Variants in LIMCH1 observed in about 807,000 individuals in gnomAD.
LIMCH1 encodes the protein LIM and calponin homology domains-containing protein 1.
Under a neutral mutation model 176.5 loss-of-function variants are expected in LIMCH1, and 113 were observed. The observed-to-expected ratio is 0.64, with a 90% CI of 0.55 to 0.75. The LOEUF (loss-of-function observed/expected upper bound fraction) is 0.75. LIMCH1 is among the 30% of genes least tolerant of loss of function. The pLI is 0.00. For synonymous variants in LIMCH1, 619 were observed against 645.9 expected, an observed-to-expected ratio of 0.96 and a Z score of 0.63; for missense variants, 1,674 against 1,814.9, an observed-to-expected ratio of 0.92 and a Z score of 1.41.
intron 1 of LIMCH1, among the ~76,000 whole-genome samples, chr4:41,364,510 A>G (rs2052669732): frequency 6.6e-6 from 1 of 152,160 alleles, no homozygotes; most frequent in Admixed American, 6.5e-5. Flanking sequence ...TTAACTCTGG[A>G]TACCTGGAGT....
intron 1 of LIMCH1, among the ~76,000 whole-genome samples, chr4:41,396,197 G>A (rs2057784749): frequency 6.6e-6 from 1 of 152,150 alleles, no homozygotes; most frequent in African/African-American, 2.4e-5. Context: ...ATCCTAATAC[G>A]ATTGTTGATA....
intron 21 of LIMCH1, among the ~76,000 whole-genome samples, chr4:41,666,897 C>A (rs2094846642): frequency 6.6e-6 from 1 of 152,092 alleles, no homozygotes. Context: ...GTCAGCCAGG[C>A]ACTATAGGCA....
chr4:41,373,679 G>A (rs1253943334), intron 1 of LIMCH1, among the ~76,000 whole-genome samples: 3 of 152,204 alleles, frequency 2.0e-5, no homozygotes, highest in Admixed American at 2.0e-4. Context: ...ACGGTCATTA[G>A]GTGGTAGAGC....
rs2086652532 is a variant in LIMCH1, at chr4:41,587,250, GC to G, written c.-240-11667del. Reference sequence around the variant, plus strand: ...GCAGCCAGTATTGATAGTTTTGTCTGCCCTAGGGAGTCTCATTTTCCTTCTT... The same window carrying G: ...GCAGCCAGTATTGATAGTTTTGTCTGCCTAGGGAGTCTCATTTTCCTTCTT... On this transcript the variant is annotated intron_variant, in intron 1 of 31. Transcript: ENST00000503057. Among the ~76,000 whole-genome samples the G allele has an allele frequency of 3.3e-5, 5 of 152,278 alleles. No homozygotes were observed. The South Asian group carries it at 1.0e-3, about 32-fold the overall frequency.
chr4:41,663,057 T>C (rs2094684370), intron 20 of LIMCH1, 73 bp downstream of exon 20: 7 of 1,339,504 alleles, frequency 5.2e-6, no homozygotes, highest in Non-Finnish European at 7.3e-6. Context: ...TAGCTGCTGC[T>C]GTGGCAGTTG....
intron 1 of LIMCH1, among the ~76,000 whole-genome samples, chr4:41,469,665 G>GATTGATTTATTTATTTATTTATTTATTT (rs1554061021): frequency 6.7e-6 from 1 of 148,248 alleles, no homozygotes; most frequent in South Asian, 2.2e-4. Context: ...CTTGTTTTGA[G>GATTGATTTATTTATTTATTTATTTATTT]ATTTATTTAT....
intron 1 of LIMCH1, among the ~76,000 whole-genome samples, chr4:41,474,226 C>T (rs141318946): frequency 1.6e-3 from 238 of 151,432 alleles, no homozygotes; most frequent in Non-Finnish European, 1.9e-3. Flanking sequence ...CGGTGGCTCA[C>T]GCCTGTAATC....
At chr4:41,665,465 A>C (rs2094790185) in intron 20 of LIMCH1, among the ~76,000 whole-genome samples, 1 of 152,210 alleles carries the variant, frequency 6.6e-6, no homozygotes, top group Admixed American at 6.5e-5. Flanking sequence ...GTTTTCTTTA[A>C]GATTCTCTTA....
At position 41,650,358 on chromosome 4, in the gene LIMCH1, T is replaced by C. The variant is rs370360948; in HGVS notation, c.2821-35T>C. ...TGTTACAGTCTTTGATTGGGGTATA[T>C]ATAGCATGTTTTTTGTTCATTCTGG... On this transcript the variant is annotated intron_variant, in intron 17 of 31. Transcript: ENST00000503057. 19 of 1,472,234 alleles carry C rather than the reference T, an allele frequency of 1.3e-5. No individual in the cohort carries two copies. The African/African-American group carries it at 2.6e-4, about 21-fold the overall frequency. 91.2% of individuals were successfully genotyped at this position (1,472,234 alleles called of 1,614,324 possible).
At chr4:41,532,269 G>C (rs7674372) in intron 3 of LIMCH1, among the ~76,000 whole-genome samples, 2 of 152,200 alleles carry the variant, frequency 1.3e-5, no homozygotes, top group African/African-American at 4.8e-5. Flanking sequence ...CTGCCTCCCA[G>C]GTTGATATGG....
At chr4:41,537,387 A>G (rs2078068170), upstream of LIMCH1, among the ~76,000 whole-genome samples, 1 of 152,246 alleles carries the variant, frequency 6.6e-6, no homozygotes, top group African/African-American at 2.4e-5. Flanking sequence ...ATAAAAAGCA[A>G]CAGGTGGAAA....
At chr4:41,682,692 T>C (rs577207190) in intron 26 of LIMCH1, among the ~76,000 whole-genome samples, 1 of 150,306 alleles carries the variant, frequency 6.7e-6, no homozygotes, top group Admixed American at 6.6e-5. Flanking sequence ...TTTTTTTTTT[T>C]GCTTGAGACG....
intron 1 of LIMCH1, among the ~76,000 whole-genome samples, chr4:41,407,622 G>A (rs147798063): frequency 7.2e-5 from 11 of 152,218 alleles, no homozygotes; most frequent in East Asian, 3.9e-4. Context: ...TGGCCAATCC[G>A]TGCCCTCTGC....
upstream of LIMCH1, among the ~76,000 whole-genome samples, chr4:41,535,514 A>G (rs555749489): frequency 5.1e-4 from 78 of 151,900 alleles, no homozygotes; most frequent in African/African-American, 1.8e-3. Context: ...CTGTGTCCAT[A>G]TTTTGCCTTT....
chr4:41,383,788 T>C (rs10005519), intron 1 of LIMCH1, among the ~76,000 whole-genome samples: 2,626 of 152,290 alleles, frequency 0.017, 68 homozygotes, highest in African/African-American at 0.058. Context: ...TAGGTGATTC[T>C]GGTGTGTGAC....
intron 1 of LIMCH1, among the ~76,000 whole-genome samples, chr4:41,573,418 C>T (rs551697199): frequency 6.6e-6 from 1 of 152,286 alleles, no homozygotes; most frequent in African/African-American, 2.4e-5. Flanking sequence ...GGTTGACATT[C>T]CTCTAGTAAT....
chr4:41,581,528 C>T (rs552971344), intron 1 of LIMCH1, among the ~76,000 whole-genome samples: 7 of 152,170 alleles, frequency 4.6e-5, no homozygotes, highest in Middle Eastern at 3.4e-3. Context: ...AAGTGACAGC[C>T]GGGCGCAGTG....
At chr4:41,410,999 C>T (rs1216378736) in intron 1 of LIMCH1, among the ~76,000 whole-genome samples, 3 of 152,202 alleles carry the variant, frequency 2.0e-5, no homozygotes, top group Non-Finnish European at 1.5e-5. Flanking sequence ...TTCTTCACCA[C>T]CATCAGGTTA....
At chr4:41,680,900 G>T in intron 24 of LIMCH1, 55 bp from the exon 25 acceptor site, 2 of 1,005,142 alleles carry the variant, frequency 2.0e-6, no homozygotes, top group Non-Finnish European at 3.1e-6. Flanking sequence ...TTTTTGTCTT[G>T]ACAAATATGA....
Sources: allele counts gnomAD v4.1 joint callset (sites outside exome capture counted in the v4.1 genomes callset), GRCh38; gene constraint gnomAD v4.1.1; transcripts MANE v1.5; gene names NCBI Gene and HGNC (gene_info 2026-07-23, HGNC 2026-07-21).